Variants in MAGI1 observed in about 807,000 individuals in gnomAD.
MAGI1 encodes membrane-associated guanylate kinase, WW and PDZ domain-containing protein 1.
In MAGI1, 58 loss-of-function variants were observed where a neutral mutation model predicts 139.9. That is an observed-to-expected ratio of 0.41 (90% CI 0.34 to 0.52). The LOEUF (loss-of-function observed/expected upper bound fraction) is 0.52. MAGI1 is among the 20% of genes least tolerant of loss of function. The pLI is 0.12. For missense variants in MAGI1, 1,874 were observed against 1,901.6 expected (o/e 0.99, Z 0.27); for synonymous variants, 812 against 737.9 (o/e 1.10, Z -1.63).
At chr3:65,875,538 G>A (rs896259382) in intron 1 of MAGI1, among the ~76,000 whole-genome samples, 1 of 152,188 alleles carries the variant, frequency 6.6e-6, no homozygotes, top group African/African-American at 2.4e-5. Context: ...ACATGACTAT[G>A]ACCAATGTCA....
At chr3:65,764,930 T>C (rs922174210) in intron 1 of MAGI1, among the ~76,000 whole-genome samples, 6 of 152,192 alleles carry the variant, frequency 3.9e-5, no homozygotes, top group African/African-American at 1.4e-4. Context: ...CAACAGACTA[T>C]GTACTAATTT....
intron 5 of MAGI1, among the ~76,000 whole-genome samples, chr3:65,456,165 C>T (rs974910015): frequency 1.3e-5 from 2 of 152,228 alleles, no homozygotes; most frequent in African/African-American, 4.8e-5. Flanking sequence ...TTTACCATCA[C>T]TTAGTGTTGT....
chr3:65,991,740 C>A (rs1356878123), intron 1 of MAGI1, among the ~76,000 whole-genome samples: 1 of 152,174 alleles, frequency 6.6e-6, no homozygotes, highest in East Asian at 1.9e-4. Flanking sequence ...CCAGGCCAGG[C>A]ACGGTGGCTC....
intron 1 of MAGI1, among the ~76,000 whole-genome samples, chr3:65,809,261 G>A (rs1189693726): frequency 2.6e-5 from 4 of 152,190 alleles, no homozygotes; most frequent in South Asian, 4.1e-4. Flanking sequence ...ACTTGTTTCC[G>A]GACACTTCAG....
intron 1 of MAGI1, among the ~76,000 whole-genome samples, chr3:65,688,961 C>T (rs919748387): frequency 6.6e-6 from 1 of 152,172 alleles, no homozygotes; most frequent in African/African-American, 2.4e-5. Flanking sequence ...TATCCCTACT[C>T]TGGAAAAACA....
intron 13 of MAGI1, among the ~76,000 whole-genome samples, chr3:65,400,633 G>A (rs761468545): frequency 7.4e-4 from 112 of 152,048 alleles, no homozygotes; most frequent in Admixed American, 1.4e-3. Flanking sequence ...TTAGTGCCCC[G>A]GGAGCATAAA....
chr3:65,941,934 C>T (rs1204167707), intron 1 of MAGI1, among the ~76,000 whole-genome samples: 3 of 152,138 alleles, frequency 2.0e-5, no homozygotes, highest in Non-Finnish European at 2.9e-5. Flanking sequence ...GGACTACAGG[C>T]ATGAGCCATC....
chr3:65,640,526 C>A (rs572416695), intron 1 of MAGI1, among the ~76,000 whole-genome samples: 1 of 152,114 alleles, frequency 6.6e-6, no homozygotes, highest in African/African-American at 2.4e-5. Context: ...TCAGAAAAAG[C>A]GACAAAGCTC....
intron 2 of MAGI1, 116 bp downstream of exon 2, chr3:65,621,853 CAGT>C: frequency 1.5e-6 from 1 of 677,702 alleles, no homozygotes; most frequent in Non-Finnish European, 2.6e-6. Context: ...AGGAGTCACT[CAGT>C]AGGCCAACCA....
chr3:65,475,206 C>T (rs1383071747), intron 4 of MAGI1, among the ~76,000 whole-genome samples: 1 of 151,804 alleles, frequency 6.6e-6, no homozygotes, highest in Non-Finnish European at 1.5e-5. Context: ...ATTTGTTACA[C>T]ATTTTCTTTC....
At chr3:65,667,336 A>C (rs1222794647) in intron 1 of MAGI1, among the ~76,000 whole-genome samples, 1 of 152,174 alleles carries the variant, frequency 6.6e-6, no homozygotes, top group Non-Finnish European at 1.5e-5. Flanking sequence ...TACAGAACAC[A>C]GTTTGGTTCA....
intron 1 of MAGI1, among the ~76,000 whole-genome samples, chr3:65,699,066 G>T (rs9754824): frequency 0.3 from 30,538 of 102,212 alleles, 3,684 homozygotes; most frequent in African/African-American, 0.41. Context: ...AGTGGGCGAA[G>T]GACATGAACA....
chr3:65,508,497 T>C (rs1332156904), intron 2 of MAGI1, among the ~76,000 whole-genome samples: 1 of 152,198 alleles, frequency 6.6e-6, no homozygotes, highest in East Asian at 1.9e-4. Context: ...CAATAGTCTT[T>C]AAATAGAATC....
intron 2 of MAGI1, among the ~76,000 whole-genome samples, chr3:65,600,854 T>C (rs1318524584): frequency 6.6e-6 from 1 of 152,214 alleles, no homozygotes; most frequent in Non-Finnish European, 1.5e-5. Flanking sequence ...TGCGAGGCAG[T>C]AGAACATACT....
At chr3:65,535,215 C>T (rs1365265632) in intron 2 of MAGI1, among the ~76,000 whole-genome samples, 4 of 152,202 alleles carry the variant, frequency 2.6e-5, no homozygotes, top group African/African-American at 9.6e-5. Flanking sequence ...AATACCAGCT[C>T]ATTAAAACAA....
At chr3:65,503,448 A>G (rs989747822) in intron 2 of MAGI1, among the ~76,000 whole-genome samples, 2 of 152,230 alleles carry the variant, frequency 1.3e-5, no homozygotes, top group Non-Finnish European at 2.9e-5. Flanking sequence ...CTCAACTATG[A>G]TAACAAAGGT....
intron 1 of MAGI1, among the ~76,000 whole-genome samples, chr3:65,652,824 A>G (rs1384243825): frequency 6.6e-6 from 1 of 152,122 alleles, no homozygotes; most frequent in East Asian, 1.9e-4. Flanking sequence ...TCAAGAGACT[A>G]AAGATGTAAT....
At chr3:65,788,286 T>A (rs1317738542) in intron 1 of MAGI1, among the ~76,000 whole-genome samples, 1 of 152,224 alleles carries the variant, frequency 6.6e-6, no homozygotes, top group African/African-American at 2.4e-5. Context: ...CGCTTTCTCA[T>A]CCCAATCTTA....
At position 66,037,992 on chromosome 3, in the gene MAGI1, T is replaced by G. The variant is rs375510042; in HGVS notation, c.313+4A>C. ...GCGCCCCCCAAAGGCGCGCCCTGCC[T>G]TACCTTGTCTGACGGCCTTGAAGGT... On this transcript the variant is annotated splice_donor_region_variant and intron_variant, in intron 1 of 22. Transcript: ENST00000402939. 2.9e-4 allele frequency: 450 copies of G among 1,566,138 alleles called. No individual in the cohort carries two copies. Among genetic ancestry groups the G allele is most frequent in the Non-Finnish European group, 3.8e-4 (443 of 1,154,888 alleles).
Sources: allele counts gnomAD v4.1 joint callset (sites outside exome capture counted in the v4.1 genomes callset), GRCh38; gene constraint gnomAD v4.1.1; transcripts MANE v1.5; gene names NCBI Gene and HGNC (gene_info 2026-07-23, HGNC 2026-07-21).